The following HERC5 variants were observed in gnomAD, a reference collection of about 807,000 sequenced individuals.
HERC5 encodes E3 ISG15--protein ligase HERC5.
In HERC5, 99 loss-of-function variants were observed where a neutral mutation model predicts 119.6. The ratio of observed to expected loss-of-function variants is 0.83; its 90% CI spans 0.70 to 0.98. HERC5 has a LOEUF of 0.98. Among genes scored for constraint, HERC5 ranks in the 50% least tolerant of loss-of-function variants. The pLI, the probability that HERC5 is intolerant of heterozygous loss-of-function variation, is 0.00. For missense variants in HERC5, 1,267 were observed against 1,241.3 expected, an observed-to-expected ratio of 1.02 and a Z score of -0.31; for synonymous variants, 478 against 445.9, an observed-to-expected ratio of 1.07 and a Z score of -0.91.
chr4:88,505,603 A>AT (rs1742080542), intron 22 of HERC5, 70 bp from the exon 23 acceptor site: 4 of 892,058 alleles, frequency 4.5e-6, no homozygotes, highest in Non-Finnish European at 3.5e-6. Context: ...GAATAAATAG[A>AT]TTTTTTTCTC....
chr4:88,490,289 C>T (rs868573090), intron 16 of HERC5, among the ~76,000 whole-genome samples: 1 of 152,182 alleles, frequency 6.6e-6, no homozygotes, highest in African/African-American at 2.4e-5. Flanking sequence ...GTGGCAGATT[C>T]TGTTTTTCCC....
intron 16 of HERC5, among the ~76,000 whole-genome samples, chr4:88,489,807 G>A (rs1398257790): frequency 4.6e-5 from 7 of 152,052 alleles, no homozygotes; most frequent in Admixed American, 4.6e-4. Flanking sequence ...TCAGGAGTTC[G>A]AGACCAGCCT....
At chr4:88,494,476 G>A in intron 18 of HERC5, 145 bp downstream of exon 18, 1 of 696,300 alleles carries the variant, frequency 1.4e-6, no homozygotes, top group East Asian at 2.9e-5. Flanking sequence ...AAGAATTGTT[G>A]GATGATAATT....
At chr4:88,494,124 A>G (rs1741733412) in intron 17 of HERC5, 41 bp from the exon 18 acceptor site, 1 of 1,339,064 alleles carries the variant, frequency 7.5e-7, no homozygotes, top group Non-Finnish European at 1.0e-6. Context: ...TTGTACTGGT[A>G]AAAACTCATA....
intron 1 of HERC5, 25 bp downstream of exon 1, chr4:88,457,559 CTGTGAGGGCTGTGAGG>C: frequency 2.4e-6 from 3 of 1,241,342 alleles, no homozygotes; most frequent in South Asian, 6.8e-5. Flanking sequence ...TGTGTGAGGG[CTGTGAGGGCTGTGAGG>C]GGTGAGGGCT....
intron 6 of HERC5, 52 bp from the exon 7 acceptor site, chr4:88,467,005 ACT>A: frequency 6.4e-7 from 1 of 1,573,882 alleles, no homozygotes; most frequent in South Asian, 1.1e-5. Context: ...ATTGCTAAAC[ACT>A]CTCATCATTG....
chr4:88,472,479 C>A lies in HERC5; in HGVS notation c.1369C>A (p.Gln457Lys). Residue 457 changes from glutamine to lysine, a missense_variant, in exon 11 of 23, where the codon CAA becomes AAA. Around this residue, in one of 3 missense-constraint regions of HERC5, gnomAD observed 777 missense variants for 758.0 expected, o/e 1.03. Transcript: ENST00000264350. ...KARNIFKELT[Q>K]KDWITNMITT... ...AAGAAACATCTTCAAGGAGTTAACC[C>A]AAAAGGACTGGATTACTAACATGGT... The A allele has an allele frequency of 6.3e-7, 1 of 1,590,678 alleles. No individual in the cohort carries two copies. Among genetic ancestry groups the A allele is most frequent in the South Asian group, 1.1e-5 (1 of 89,554 alleles).
At chr4:88,466,034 G>T (rs1740652924) in intron 6 of HERC5, among the ~76,000 whole-genome samples, 1 of 151,214 alleles carries the variant, frequency 6.6e-6, no homozygotes, top group Non-Finnish European at 1.5e-5. Flanking sequence ...CTGCCATCTA[G>T]TCAGAGGAGT....
rs748252354 is a variant in HERC5, at chr4:88,457,515, C to T, written c.246C>T (p.Ser82=). ...GVQVHQLLAG[S]GGARTPKCIK... is the part of the protein sequence containing the mutation. ...AGGTTCACCAGCTGCTCGCCGGGAG[C>T]GGCGGCGCCCGGACGCCGAGTGAGT... Residue 82 remains serine, a synonymous_variant, in exon 1 of 23, where the codon AGC becomes AGT. Transcript: ENST00000264350. 24 of 1,274,540 alleles carry T rather than the reference C, an allele frequency of 1.9e-5. No individual in the cohort carries two copies. Among genetic ancestry groups the T allele is most frequent in the Non-Finnish European group, 2.4e-5 (24 of 1,010,144 alleles). The allele number at this position is 1,274,540 out of a possible 1,614,324, so 79.0% of individuals were successfully genotyped here. A position where few individuals can be genotyped will look rare whatever the true frequency, so the allele number is the denominator to read the frequency against.
At chr4:88,499,866 A>G (rs2149108894) in intron 18 of HERC5, 60 bp from the exon 19 acceptor site, 1 of 1,153,658 alleles carries the variant, frequency 8.7e-7, no homozygotes, top group Non-Finnish European at 1.3e-6. Flanking sequence ...TTTATTTTAG[A>G]TGCTGTGTCT....
chr4:88,467,045 C>CT lies in HERC5; in HGVS notation c.912-10dup, dbSNP rs1740694296. ...GATAATTAAGAATTGACCATATGTG[C>CT]TTTTATTTAATAGGTGGCACACACT... On this transcript the variant is annotated splice_polypyrimidine_tract_variant and intron_variant, in intron 6 of 22. Transcript: ENST00000264350. 1.9e-6 allele frequency: 3 copies of CT among 1,613,402 alleles called. No individual in the cohort carries two copies. Among genetic ancestry groups the CT allele is most frequent in the Non-Finnish European group, 1.7e-6 (2 of 1,179,466 alleles).
At chr4:88,502,093 C>T (rs66502916) in intron 20 of HERC5, among the ~76,000 whole-genome samples, 25,240 of 151,964 alleles carry the variant, frequency 0.17, 2,723 homozygotes, top group East Asian at 0.54. Context: ...CCACTGCGCC[C>T]GGCCTATCTG....
rs778919356 is a variant in HERC5, at chr4:88,476,029, G to A, written c.1581G>A (p.Leu527=). Residue 527 remains leucine, a splice_region_variant and synonymous_variant, in exon 12 of 23, where the codon CTG becomes CTA. Transcript: ENST00000264350. ...CKMSDQSSLV[L]EEYWATLQES... ...TGAGTGACCAGTCTTCACTGGTTCT[G>A]GGTAAGTTTGATCATTTGAAGATAC... 6.2e-7 allele frequency: 1 copy of A among 1,609,218 alleles called. No homozygotes were observed.
At position 88,504,395 on chromosome 4, in the gene HERC5, G is replaced by T. The variant is rs777062367; in HGVS notation, c.2746G>T (p.Asp916Tyr). The change falls in exon 21 of 23, where the codon GAT becomes TAT. Residue 916 changes from aspartate (D) to tyrosine (Y), a missense_variant. Physicochemically the swap from Asp to Tyr is radical, Grantham distance 160. This residue lies in a region of HERC5 where 473 missense variants were observed against 445.7 expected (regional missense o/e 1.06). Coordinates refer to ENST00000264350, the MANE Select transcript of HERC5 (RefSeq NM_016323.4). Reference protein sequence around the residue: ...KDVIVGNTDYDWKTFEKNARY... With the variant: ...KDVIVGNTDYYWKTFEKNARY... ...TGTGATTGTTGGAAATACAGATTAT[G>T]ATTGGAAAACATTTGAAAAGGTACA... 2 of 1,602,766 alleles carry T rather than the reference G, an allele frequency of 1.2e-6. No homozygotes were observed. Among genetic ancestry groups the T allele is most frequent in the South Asian group, 1.1e-5 (1 of 89,764 alleles).
chr4:88,470,683 G>A lies in HERC5; in HGVS notation c.1298+10G>A, dbSNP rs748355683. 4.2e-6 allele frequency: 5 copies of A among 1,200,898 alleles called. No individual in the cohort carries two copies. Among genetic ancestry groups the A allele is most frequent in the Non-Finnish European group, 6.1e-6 (5 of 817,112 alleles). The allele number at this position is 1,200,898 out of a possible 1,614,324, so 74.4% of individuals were successfully genotyped here. ...GTTTTTTAAGGAAAAGGTAATATAT[G>A]TAATAAATTAATTGTATTAAATTGT... On this transcript the variant is annotated intron_variant, in intron 10 of 22. Transcript: ENST00000264350.
chr4:88,470,082 T>G (rs1014487810), intron 9 of HERC5, among the ~76,000 whole-genome samples: 1 of 152,238 alleles, frequency 6.6e-6, no homozygotes, highest in African/African-American at 2.4e-5. Flanking sequence ...AAACATCATC[T>G]TTTAGAAATA....
chr4:88,468,264 G>C (rs558520681), intron 7 of HERC5, 82 bp from the exon 8 acceptor site: 12 of 953,210 alleles, frequency 1.3e-5, no homozygotes, highest in African/African-American at 1.2e-4. Flanking sequence ...CGTTTAAGAA[G>C]AATCTGAAGT....
intron 20 of HERC5, among the ~76,000 whole-genome samples, chr4:88,501,943 C>T (rs891010163): frequency 3.9e-5 from 6 of 152,150 alleles, no homozygotes; most frequent in East Asian, 1.9e-4. Flanking sequence ...GGACTACAGG[C>T]GCCCGCCACC....
At chr4:88,492,605 G>A (rs1352777745) in intron 16 of HERC5, among the ~76,000 whole-genome samples, 1 of 151,756 alleles carries the variant, frequency 6.6e-6, no homozygotes, top group Non-Finnish European at 1.5e-5. Context: ...AATTAGCCAG[G>A]CGTGGTGGTG....
Sources: allele counts gnomAD v4.1 joint callset (sites outside exome capture counted in the v4.1 genomes callset), GRCh38; gene constraint gnomAD v4.1.1; regional missense constraint gnomAD v4.1.1; transcripts MANE v1.5; gene names NCBI Gene and HGNC (gene_info 2026-07-23, HGNC 2026-07-21).